Variants in MINDY4 observed in about 807,000 individuals in gnomAD.
MINDY4 encodes the protein MINDY lysine 48 deubiquitinase 4.
In MINDY4, 68 loss-of-function variants were observed where a neutral mutation model predicts 87.0. The observed-to-expected ratio is 0.78, with a 90% CI of 0.64 to 0.96. MINDY4 has a LOEUF of 0.96. Ranked by LOEUF, MINDY4 falls within the 40% of genes least tolerant of loss-of-function variation. The pLI is 0.00. For missense variants in MINDY4, 919 were observed against 928.2 expected, an observed-to-expected ratio of 0.99 and a Z score of 0.13; for synonymous variants, 379 against 363.2, an observed-to-expected ratio of 1.04 and a Z score of -0.50.
rs760555717 is a variant in MINDY4 at position 30,882,216 on chromosome 7, C to T, written c.2007C>T (p.Ile669=). 6.2e-7 allele frequency: 1 copy of T among 1,613,050 alleles called. No individual in the cohort carries two copies. The highest frequency in any genetic ancestry group is 1.1e-5 in the South Asian group (1 of 91,050). The change falls in exon 16 of 18, where the codon ATC becomes ATT. Residue 669 remains isoleucine (I), a synonymous_variant. Coordinates refer to ENST00000265299, the MANE Select transcript of MINDY4 (RefSeq NM_032222.3). ...GCFLKTPRFP[I]WVVCSESHFS... ...TCCTGAAGACCCCGAGGTTCCCCAT[C>T]TGGGTGGTTTGCAGTGAGAGCCACT... is the stretch of plus-strand genomic sequence containing the variant.
intron 5 of MINDY4, among the ~76,000 whole-genome samples, chr7:30,810,133 G>A (rs563229052): frequency 7.3e-5 from 9 of 123,950 alleles, no homozygotes; most frequent in African/African-American, 2.6e-4. Flanking sequence ...CCGAGATTGC[G>A]CCACACACTC....
rs2128557550 is a variant in MINDY4, at chr7:30,808,938, AG to A, written c.1073+17365del. 7.3e-5 allele frequency among the ~76,000 whole-genome samples: 4 copies of A among 55,004 alleles called. No individual in the cohort carries two copies. In the South Asian group the frequency reaches 3.1e-3, roughly 42 times the overall value. 36.1% of individuals were successfully genotyped at this position (55,004 alleles called of 152,430 possible). On this transcript the variant is annotated intron_variant, in intron 5 of 17. Transcript: ENST00000265299. ...GAGACAAAGAGGGAGTCAAGGAGAG[AG>A]AGAGAGAGAGAGAGAGAGGCAGAGA...
In MINDY4 at chr7:30,771,440, T is replaced by C; in HGVS notation, c.-54T>C. 1 of 1,566,242 alleles carries C rather than the reference T, an allele frequency of 6.4e-7. No homozygotes were observed. The highest frequency in any genetic ancestry group is 8.7e-7 in the Non-Finnish European group (1 of 1,154,178). ...CCATACTGCGCCGGACAGACCCAGTTGCCTGGTGCTGCGGCCCGGCGTGGG... is the reference window on the plus strand; with the variant it reads ...CCATACTGCGCCGGACAGACCCAGTCGCCTGGTGCTGCGGCCCGGCGTGGG... On this transcript the variant is annotated 5_prime_UTR_variant, in exon 1 of 18. Transcript: ENST00000265299.
At chr7:30,771,928 A>G (rs1584217237) in intron 1 of MINDY4, among the ~76,000 whole-genome samples, 1 of 152,312 alleles carries the variant, frequency 6.6e-6, no homozygotes, top group African/African-American at 2.4e-5. Context: ...TCCGTGCGCT[A>G]CCCACGCAAG....
intron 13 of MINDY4, among the ~76,000 whole-genome samples, chr7:30,867,387 G>A (rs1470555443): frequency 6.6e-6 from 1 of 152,066 alleles, no homozygotes; most frequent in Non-Finnish European, 1.5e-5. Context: ...TTGTTATTCT[G>A]GTTGTTATAG....
intron 15 of MINDY4, among the ~76,000 whole-genome samples, chr7:30,881,905 A>G (rs1177304703): frequency 6.6e-6 from 1 of 151,752 alleles, no homozygotes; most frequent in Admixed American, 6.6e-5. Context: ...AGTACTGGGA[A>G]CCATTAGATG....
At chr7:30,863,598 C>T (rs1789835394) in intron 13 of MINDY4, among the ~76,000 whole-genome samples, 1 of 152,142 alleles carries the variant, frequency 6.6e-6, no homozygotes, top group Non-Finnish European at 1.5e-5. Context: ...GTCAGTGCCT[C>T]CTGTCTGTTG....
intron 4 of MINDY4, chr7:30,786,626 A>G (rs896714026): frequency 8.6e-6 from 1 of 116,296 alleles, no homozygotes; most frequent in African/African-American, 3.7e-5. Context: ...CCCTGTCTCA[A>G]AAAGAAAAAA....
At position 30,782,018 on chromosome 7, in the gene MINDY4, C is replaced by T. The variant is rs1562528848; in HGVS notation, c.225C>T (p.Thr75=). The T allele has an allele frequency of 6.2e-7, 1 of 1,614,080 alleles. No individual in the cohort carries two copies. Among genetic ancestry groups the T allele is most frequent in the Non-Finnish European group, 8.5e-7 (1 of 1,180,016 alleles). ...NPLKTSLELI[T]RYFLDHFGNT... ...TAAAAACAAGCCTTGAACTCATCAC[C>T]AGATACTTTCTGGATCACTTTGGAA... The change falls in exon 3 of 18, where the codon ACC becomes ACT. Residue 75 remains threonine (T), a synonymous_variant. Transcript: ENST00000265299.
intron 1 of MINDY4, among the ~76,000 whole-genome samples, chr7:30,776,996 T>C (rs1374484104): frequency 6.6e-6 from 1 of 151,848 alleles, no homozygotes; most frequent in African/African-American, 2.4e-5. Flanking sequence ...CTTTTCTTCT[T>C]TCTTTCTTTT....
intron 5 of MINDY4, among the ~76,000 whole-genome samples, chr7:30,808,318 T>C (rs776888252): frequency 1.3e-5 from 2 of 152,210 alleles, no homozygotes; most frequent in Non-Finnish European, 2.9e-5. Context: ...ATGGCATACC[T>C]ATACCGGCAC....
intron 6 of MINDY4, among the ~76,000 whole-genome samples, chr7:30,831,900 G>T (rs1426842812): frequency 1.3e-5 from 2 of 152,274 alleles, no homozygotes; most frequent in East Asian, 3.9e-4. Context: ...TTTTCAATTC[G>T]ACATTTAAAC....
At chr7:30,865,799 G>A (rs1315930045) in intron 13 of MINDY4, among the ~76,000 whole-genome samples, 1 of 152,246 alleles carries the variant, frequency 6.6e-6, no homozygotes, top group Non-Finnish European at 1.5e-5. Flanking sequence ...TAATGGCACA[G>A]TTGGCAGCAT....
At position 30,892,227 on chromosome 7, in the gene MINDY4, T is replaced by G. The variant is rs555496082; in HGVS notation, c.*222T>G. Reference sequence around the variant, plus strand: ...GGTCCCCTCCCAGCTGAGCTGTGACTGCTGAGTACTGGAAGGAGGTTGCCA... The same window carrying G: ...GGTCCCCTCCCAGCTGAGCTGTGACGGCTGAGTACTGGAAGGAGGTTGCCA... On this transcript the variant is annotated 3_prime_UTR_variant, in exon 18 of 18. Transcript: ENST00000265299. The G allele has an allele frequency of 8.0e-5, 45 of 562,030 alleles. 2 individuals are homozygous for G. The South Asian group carries it at 1.0e-3, about 13-fold the overall frequency. 34.8% of individuals were successfully genotyped at this position (562,030 alleles called of 1,614,324 possible). A position where few individuals can be genotyped will look rare whatever the true frequency, so the allele number is the denominator to read the frequency against.
rs774263848 is a variant in MINDY4, at chr7:30,791,407, C to T, written c.906C>T (p.Asp302=). ...HLPSKRLPPW[D]RARPRDPSED... ...CCAGCAAACGGCTGCCCCCATGGGACAGGGCCAGGCCGAGGGATCCCTCCG... is the reference window on the plus strand; with the variant it reads ...CCAGCAAACGGCTGCCCCCATGGGATAGGGCCAGGCCGAGGGATCCCTCCG... The change falls in exon 5 of 18, where the codon GAC becomes GAT. Residue 302 remains aspartate (D), a synonymous_variant. Transcript: ENST00000265299. 2 of 1,614,130 alleles carry T rather than the reference C, an allele frequency of 1.2e-6. No homozygotes were observed. Among genetic ancestry groups the T allele is most frequent in the South Asian group, 2.2e-5 (2 of 91,086 alleles).
intron 5 of MINDY4, among the ~76,000 whole-genome samples, chr7:30,817,874 TG>T (rs1276661267): frequency 6.6e-6 from 1 of 152,236 alleles, no homozygotes. Flanking sequence ...CTGTTTCACG[TG>T]GGAGAGTGGT....
At position 30,852,286 on chromosome 7, in the gene MINDY4, C is replaced by T; in HGVS notation, c.1611+7C>T. 1 of 1,614,096 alleles carries T rather than the reference C, an allele frequency of 6.2e-7. No individual in the cohort carries two copies. The highest frequency in any genetic ancestry group is 8.5e-7 in the Non-Finnish European group (1 of 1,179,992). ...AGATGGAGTCTTAGAAACAGTACGACTTTCTGGAAAATTATCACGCAAACT... is the reference window on the plus strand; with the variant it reads ...AGATGGAGTCTTAGAAACAGTACGATTTTCTGGAAAATTATCACGCAAACT... On this transcript the variant is annotated splice_region_variant and intron_variant, in intron 11 of 17. Transcript: ENST00000265299.
At chr7:30,867,422 C>T (rs1180732426) in intron 13 of MINDY4, among the ~76,000 whole-genome samples, 1 of 152,082 alleles carries the variant, frequency 6.6e-6, no homozygotes, top group African/African-American at 2.4e-5. Context: ...TGACATTTAC[C>T]GAATGCCAAA....
intron 4 of MINDY4, among the ~76,000 whole-genome samples, chr7:30,788,918 G>T (rs1787237617): frequency 6.6e-6 from 1 of 152,178 alleles, no homozygotes; most frequent in Admixed American, 6.5e-5. Flanking sequence ...CCTCGGTGAA[G>T]TCAGCACTTT....
Sources: allele counts gnomAD v4.1 joint callset (sites outside exome capture counted in the v4.1 genomes callset), GRCh38; gene constraint gnomAD v4.1.1; transcripts MANE v1.5; gene names NCBI Gene and HGNC (gene_info 2026-07-23, HGNC 2026-07-21).